The following ZNF791 variants were observed in gnomAD, a reference collection of about 807,000 sequenced individuals.
ZNF791 encodes the protein zinc finger protein 791.
Under a neutral mutation model 11.5 loss-of-function variants are expected in ZNF791, and 4 were observed. That is an observed-to-expected ratio of 0.35 (90% CI 0.17 to 0.80). The LOEUF (loss-of-function observed/expected upper bound fraction) is 0.80, where lower values mean the gene tolerates loss of function less well. ZNF791 is among the 30% of genes least tolerant of loss of function. The pLI is 0.53. For missense variants in ZNF791, 559 were observed against 699.4 expected, an observed-to-expected ratio of 0.80 and a Z score of 2.26; for synonymous variants, 212 against 228.1, an observed-to-expected ratio of 0.93 and a Z score of 0.64.
chr19:12,624,679 G>A lies in ZNF791; in HGVS notation c.160G>A (p.Asp54Asn), dbSNP rs778045468. Residue 54 changes from aspartate to asparagine, a missense_variant, in exon 3 of 4, where the codon GAT becomes AAT. Transcript: ENST00000343325. ...GEKWEDPNVE[D>N]QHKNQGRNLR... is the part of the protein sequence containing the mutation. ...AAAATGGGAAGACCCGAATGTTGAA[G>A]ATCAACACAAAAACCAAGGACGAAA... is the stretch of plus-strand genomic sequence containing the variant. 2.0e-5 allele frequency: 32 copies of A among 1,608,048 alleles called. No individual in the cohort carries two copies. Among genetic ancestry groups the A allele is most frequent in the Non-Finnish European group, 2.7e-5 (32 of 1,176,808 alleles).
chr19:12,622,769 C>G (rs981517002), intron 1 of ZNF791, among the ~76,000 whole-genome samples: 4 of 151,890 alleles, frequency 2.6e-5, no homozygotes, highest in Admixed American at 2.6e-4. Flanking sequence ...TGGCACGCGC[C>G]TATAATCCCA....
intron 1 of ZNF791, among the ~76,000 whole-genome samples, chr19:12,620,257 C>T (rs921294183): frequency 1.3e-5 from 2 of 151,936 alleles, no homozygotes; most frequent in Admixed American, 6.6e-5. Flanking sequence ...CTCACTGCAG[C>T]CTTGACTTTG....
chr19:12,623,083 C>CAACA (rs1032402440), intron 1 of ZNF791, among the ~76,000 whole-genome samples: 3 of 151,906 alleles, frequency 2.0e-5, no homozygotes, highest in South Asian at 4.2e-4. Flanking sequence ...TCTTAGAAAA[C>CAACA]AACAAACAAA....
intron 1 of ZNF791, among the ~76,000 whole-genome samples, chr19:12,616,544 T>C (rs1393832198): frequency 6.6e-6 from 1 of 152,116 alleles, no homozygotes; most frequent in Non-Finnish European, 1.5e-5. Context: ...GAAAAAAAAT[T>C]AGCCCAATGT....
intron 1 of ZNF791, among the ~76,000 whole-genome samples, chr19:12,619,028 A>G (rs2023291617): frequency 6.6e-6 from 1 of 151,478 alleles, no homozygotes; most frequent in South Asian, 2.1e-4. Context: ...TTGTATTTTT[A>G]GTAGCGACGG....
At chr19:12,622,714 G>A (rs1285277556) in intron 1 of ZNF791, among the ~76,000 whole-genome samples, 1 of 152,072 alleles carries the variant, frequency 6.6e-6, no homozygotes, top group Admixed American at 6.6e-5. Flanking sequence ...CCAAGATGGT[G>A]AAACCCCATC....
At position 12,627,818 on chromosome 19, in the gene ZNF791, G is replaced by A. The variant is rs535150633; in HGVS notation, c.289G>A (p.Val97Ile). The change falls in exon 4 of 4, where the codon GTA becomes ATA. Residue 97 changes from valine (V) to isoleucine (I), a missense_variant. Transcript: ENST00000343325. ...CAGTGTGACGAAGAAGACTGCCGGA[G>A]TAAAACCATATGAGTGTACTATCTG... is the stretch of plus-strand genomic sequence containing the variant. ...NLSVTKKTAG[V>I]KPYECTICGK... 1 of 1,614,140 alleles carries A rather than the reference G, an allele frequency of 6.2e-7. No homozygotes were observed. The highest frequency in any genetic ancestry group is 2.2e-5 in the East Asian group (1 of 44,884).
At chr19:12,614,891 C>CCTTTT (rs2023217710) in intron 1 of ZNF791, among the ~76,000 whole-genome samples, 1 of 15,226 alleles carries the variant, frequency 6.6e-5, no homozygotes, top group Non-Finnish European at 2.0e-4. Flanking sequence ...CTGCGTCCGG[C>CCTTTT]CTTTTTTTTT....
In ZNF791 at chr19:12,624,558, G is replaced by A. The variant is rs558092180; in HGVS notation, c.131-92G>A. 2.6e-5 allele frequency: 24 copies of A among 940,324 alleles called. No individual in the cohort carries two copies. The Admixed American group carries it at 5.5e-4, about 22-fold the overall frequency. The allele number at this position is 940,324 out of a possible 1,614,324, so 58.2% of individuals were successfully genotyped here. On this transcript the variant is annotated intron_variant, in intron 2 of 3. Coordinates refer to ENST00000343325, the MANE Select transcript of ZNF791 (RefSeq NM_153358.3). ...AGGAAACACTTCTGTAAATAAACCA[G>A]GCATGGTTACAGCTCATTGTGAACC...
At position 12,620,754 on chromosome 19, in the gene ZNF791, C is replaced by CTTTTTTTTTTTTTTT. The variant is rs1051381342; in HGVS notation, c.4-2936_4-2922dup. Among the ~76,000 whole-genome samples the CTTTTTTTTTTTTTTT allele has an allele frequency of 3.0e-4, 25 of 83,444 alleles. 2 individuals are homozygous for CTTTTTTTTTTTTTTT. The highest frequency in any genetic ancestry group is 1.3e-3 in the African/African-American group (24 of 18,660). The allele number at this position is 83,444 out of a possible 152,430, so 54.7% of individuals were successfully genotyped here. On this transcript the variant is annotated intron_variant, in intron 1 of 3. Transcript: ENST00000343325. ...AAACTGGAGAAAGGGGATTTATGTT[C>CTTTTTTTTTTTTTTT]TTTTTTTTTTTTTTTTTTTTTTTTG...
intron 3 of ZNF791, among the ~76,000 whole-genome samples, chr19:12,626,221 T>C (rs146773445): frequency 0.047 from 7,091 of 152,280 alleles, 366 homozygotes; most frequent in African/African-American, 0.13. Context: ...TTCACTATGT[T>C]GGCCAGGATG....
Position 12,629,285 on chromosome 19 carries a change from G to T in ZNF791, c.*25G>T. ...GAAACTCTATAAATGTGAGAAATAG[G>T]AGAAAGTTTTCAATTCTAACAGATG... is the stretch of plus-strand genomic sequence containing the variant. On this transcript the variant is annotated 3_prime_UTR_variant, in exon 4 of 4. Transcript: ENST00000343325. 7.1e-7 allele frequency: 1 copy of T among 1,411,492 alleles called. No individual in the cohort carries two copies. The highest frequency in any genetic ancestry group is 9.3e-7 in the Non-Finnish European group (1 of 1,075,824). 87.4% of individuals were successfully genotyped at this position (1,411,492 alleles called of 1,614,324 possible).
In ZNF791 at chr19:12,628,336, T is replaced by G. The variant is rs753778005; in HGVS notation, c.807T>G (p.Asp269Glu). The G allele has an allele frequency of 1.2e-6, 2 of 1,611,036 alleles. No homozygotes were observed. Among genetic ancestry groups the G allele is most frequent in the Middle Eastern group, 1.7e-4 (1 of 6,044 alleles). ...CACACATGATAACACACAACGGAGA[T>G]AGACCTTATAAATGCAAAGAATGTG... ...VLTHMITHNG[D>E]RPYKCKECGK... The change falls in exon 4 of 4, where the codon GAT becomes GAG. Residue 269 changes from aspartate (D) to glutamate (E), a missense_variant. Transcript: ENST00000343325.
intron 3 of ZNF791, 115 bp downstream of exon 3, chr19:12,624,825 G>A (rs2023403196): frequency 1.7e-6 from 1 of 602,782 alleles, no homozygotes; most frequent in Non-Finnish European, 2.8e-6. Flanking sequence ...TGAGGTGGGT[G>A]GATCATGAGG....
intron 1 of ZNF791, 174 bp from the exon 2 acceptor site, chr19:12,623,526 C>A: frequency 1.4e-6 from 1 of 733,860 alleles, no homozygotes; most frequent in Non-Finnish European, 2.2e-6. Flanking sequence ...ACAGTGACCA[C>A]AGTGAAGATG....
chr19:12,612,332 A>C (rs4804203), intron 1 of ZNF791: 89,006 of 155,624 alleles, frequency 0.57, 26,678 homozygotes, highest in Non-Finnish European at 0.67. Flanking sequence ...AGCTACTATT[A>C]CCGGCCCAAC....
chr19:12,614,395 G>A (rs530144331), intron 1 of ZNF791, among the ~76,000 whole-genome samples: 5 of 150,774 alleles, frequency 3.3e-5, no homozygotes, highest in African/African-American at 9.7e-5. Context: ...CACCAGGCCC[G>A]GCCAATTTAT....
chr19:12,627,897 C>T lies in ZNF791; in HGVS notation c.368C>T (p.Thr123Ile). ...CTTACTAGACACATGAGGTCTCACA[C>T]TGGATACGAGCTATTTGAGAAGCCA... ...SSLTRHMRSH[T>I]GYELFEKPYK... Residue 123 changes from threonine (T) to isoleucine (I), a missense_variant, in exon 4 of 4, where the codon ACT becomes ATT. Transcript: ENST00000343325. 3 of 1,614,154 alleles carry T rather than the reference C, an allele frequency of 1.9e-6. No homozygotes were observed. The highest frequency in any genetic ancestry group is 2.5e-6 in the Non-Finnish European group (3 of 1,180,032).
intron 3 of ZNF791, among the ~76,000 whole-genome samples, chr19:12,627,349 G>C (rs1343640463): frequency 6.6e-6 from 1 of 152,268 alleles, no homozygotes; most frequent in African/African-American, 2.4e-5. Flanking sequence ...TTCTGCTGCC[G>C]GGTGCGGTGG....
Sources: allele counts gnomAD v4.1 joint callset (sites outside exome capture counted in the v4.1 genomes callset), GRCh38; gene constraint gnomAD v4.1.1; transcripts MANE v1.5; gene names NCBI Gene and HGNC (gene_info 2026-07-23, HGNC 2026-07-21).